FOXP1: variants seen among roughly 807,000 people sequenced by gnomAD.
The protein encoded by FOXP1 is forkhead box P1.
A neutral mutation model predicts 98.2 loss-of-function variants in FOXP1; 15 were observed. The observed-to-expected ratio is 0.15, with a 90% confidence interval of 0.10 to 0.24. FOXP1 has a LOEUF of 0.24. Ranked by LOEUF, FOXP1 falls within the 10% of genes least tolerant of loss-of-function variation. The probability of loss-of-function intolerance (pLI) is 1.00; values close to 1 mark genes in which losing one functional copy is unlikely to be tolerated. For synonymous variants in FOXP1, 371 were observed against 314.5 expected, an observed-to-expected ratio of 1.18 and a Z score of -1.90; for missense variants, 633 against 848.5, an observed-to-expected ratio of 0.75 and a Z score of 3.15.
intron 5 of FOXP1, among the ~76,000 whole-genome samples, chr3:71,274,559 T>C (rs2070707843): frequency 6.6e-6 from 1 of 152,240 alleles, no homozygotes; most frequent in African/African-American, 2.4e-5. Flanking sequence ...TATTCAGTTA[T>C]ATTATCAAAT....
intron 9 of FOXP1, among the ~76,000 whole-genome samples, chr3:71,049,047 A>G (rs933505728): frequency 2.6e-5 from 4 of 152,176 alleles, no homozygotes; most frequent in Non-Finnish European, 5.9e-5. Context: ...CTCCCCACCC[A>G]GTTACCAAAC....
chr3:71,358,802 C>T (rs961735834), intron 4 of FOXP1, among the ~76,000 whole-genome samples: 14 of 152,112 alleles, frequency 9.2e-5, no homozygotes, highest in African/African-American at 3.4e-4. Context: ...TGTATATTAT[C>T]TATGGCTGCT....
chr3:71,466,789 T>C (rs2088796954), intron 3 of FOXP1, among the ~76,000 whole-genome samples: 1 of 151,932 alleles, frequency 6.6e-6, no homozygotes, highest in Non-Finnish European at 1.5e-5. Context: ...GGGCAGGGGG[T>C]TGCATCTTCC....
intron 2 of FOXP1, among the ~76,000 whole-genome samples, chr3:71,542,782 G>C (rs924623321): frequency 6.6e-6 from 1 of 152,188 alleles, no homozygotes; most frequent in African/African-American, 2.4e-5. Flanking sequence ...TCCCTCCGCA[G>C]CCAGCTCATA....
chr3:71,529,314 G>A (rs1444181579), intron 2 of FOXP1, among the ~76,000 whole-genome samples: 2 of 152,296 alleles, frequency 1.3e-5, no homozygotes, highest in African/African-American at 4.8e-5. Flanking sequence ...GTACTAGTGT[G>A]TTATCTTACC....
intron 5 of FOXP1, among the ~76,000 whole-genome samples, chr3:71,274,411 C>T (rs2070693489): frequency 6.6e-6 from 1 of 152,128 alleles, no homozygotes; most frequent in African/African-American, 2.4e-5. Context: ...CCCCTTGGAG[C>T]AGCAAGGTGA....
intron 2 of FOXP1, among the ~76,000 whole-genome samples, chr3:71,547,244 T>C (rs11923938): frequency 0.049 from 7,529 of 152,124 alleles, 242 homozygotes; most frequent in Non-Finnish European, 0.052. Flanking sequence ...ATTTTAACAC[T>C]GTGAGGGGTC....
intron 11 of FOXP1, among the ~76,000 whole-genome samples, chr3:71,015,922 G>A (rs2044399225): frequency 6.6e-6 from 1 of 152,128 alleles, no homozygotes; most frequent in East Asian, 1.9e-4. Flanking sequence ...TAGATGCAAA[G>A]CTCTTTACTC....
At chr3:71,380,967 G>GA (rs369840876) in intron 3 of FOXP1, among the ~76,000 whole-genome samples, 9 of 151,632 alleles carry the variant, frequency 5.9e-5, no homozygotes, top group African/African-American at 1.9e-4. Context: ...ACCATATCTG[G>GA]AAAAAAAGGG....
intron 4 of FOXP1, among the ~76,000 whole-genome samples, chr3:71,351,977 C>G (rs1243345318): frequency 6.6e-6 from 1 of 152,150 alleles, no homozygotes; most frequent in Non-Finnish European, 1.5e-5. Flanking sequence ...TTTCCCATAG[C>G]TCTTGTGTTA....
chr3:71,146,627 C>A (rs9877741), intron 6 of FOXP1, among the ~76,000 whole-genome samples: 71,651 of 151,978 alleles, frequency 0.47, 17,563 homozygotes, highest in East Asian at 0.87. Context: ...TTTTAAAAAC[C>A]TTCACTATAC....
chr3:71,065,061 T>TGGGCTCCGCGGCCC (rs1158136342), intron 7 of FOXP1: 1 of 130,478 alleles, frequency 7.7e-6, no homozygotes, highest in Non-Finnish European at 1.6e-5. Flanking sequence ...CCCCACACAA[T>TGGGCTCCGCGGCCC]GGGCTCCGCG....
intron 3 of FOXP1, among the ~76,000 whole-genome samples, chr3:71,408,086 C>T (rs773718473): frequency 5.3e-5 from 8 of 152,178 alleles, no homozygotes; most frequent in Non-Finnish European, 1.0e-4. Context: ...AAAGTTATTC[C>T]GGAGGCTCCC....
chr3:71,178,422 T>C (rs1242521950), intron 6 of FOXP1, among the ~76,000 whole-genome samples: 1 of 151,566 alleles, frequency 6.6e-6, no homozygotes, highest in African/African-American at 2.4e-5. Context: ...GCGTGAGCCA[T>C]CGCGCCCGGC....
At chr3:71,329,679 A>T (rs1158773476) in intron 4 of FOXP1, 1 of 152,182 alleles carries the variant, frequency 6.6e-6, no homozygotes, top group East Asian at 1.9e-4. Flanking sequence ...TGAGAAGAAC[A>T]ACTATCAGAA....
At chr3:71,582,831 G>A (rs1234181347) in intron 1 of FOXP1, 1 of 978,434 alleles carries the variant, frequency 1.0e-6, no homozygotes, top group Non-Finnish European at 1.2e-6. Flanking sequence ...GGTGGCGGGA[G>A]AGCTTCCTCG....
intron 11 of FOXP1, among the ~76,000 whole-genome samples, chr3:71,023,284 C>T (rs1413318046): frequency 6.6e-6 from 1 of 152,204 alleles, no homozygotes; most frequent in South Asian, 2.1e-4. Flanking sequence ...AACTTTATGT[C>T]AACCTAACAA....
chr3:71,475,243 C>T (rs2089725009), intron 3 of FOXP1, among the ~76,000 whole-genome samples: 1 of 152,154 alleles, frequency 6.6e-6, no homozygotes, highest in African/African-American at 2.4e-5. Flanking sequence ...GTGCAAGGAA[C>T]ACCCAAGCAT....
At position 71,096,983 on chromosome 3, in the gene FOXP1, A is replaced by G. The variant is rs1003712174; in HGVS notation, c.282+15553T>C. Among the ~76,000 whole-genome samples the G allele has an allele frequency of 4.2e-4, 64 of 152,180 alleles. 1 individual carries two copies. The highest frequency in any genetic ancestry group is 4.1e-4 in the South Asian group (2 of 4,824). ...GGTGTTAGGTGGCACCTCTGCGCAA[A>G]TGAAAAAAATGGATGCCTCTTCCTC... is the stretch of plus-strand genomic sequence containing the variant. On this transcript the variant is annotated intron_variant, in intron 7 of 20. Transcript: ENST00000649528.
Sources: allele counts gnomAD v4.1 joint callset (sites outside exome capture counted in the v4.1 genomes callset), GRCh38; gene constraint gnomAD v4.1.1; transcripts MANE v1.5; gene names NCBI Gene and HGNC (gene_info 2026-07-23, HGNC 2026-07-21).